Variants in ABCA9 observed in about 807,000 individuals in gnomAD.
ABCA9 encodes ATP-binding cassette sub-family A member 9.
In ABCA9, 183 loss-of-function variants were observed where a neutral mutation model predicts 205.3. That is an observed-to-expected ratio of 0.89 (90% CI 0.79 to 1.01). The LOEUF (loss-of-function observed/expected upper bound fraction) is 1.01, where lower values mean the gene tolerates loss of function less well. Among genes scored for constraint, ABCA9 ranks in the 50% least tolerant of loss-of-function variants. The pLI is 0.00. For synonymous variants in ABCA9, 651 were observed against 683.3 expected (o/e 0.95, Z 0.74); for missense variants, 1,805 against 1,912.4 (o/e 0.94, Z 1.05).
At chr17:68,981,196 A>C (rs76321556) in intron 37 of ABCA9, among the ~76,000 whole-genome samples, 3,037 of 152,286 alleles carry the variant, frequency 0.02, 59 homozygotes, top group Non-Finnish European at 0.032. Flanking sequence ...AGACAGGATA[A>C]ATAAATTCAG....
chr17:69,067,548 G>A, the ABCA9 span, among the ~76,000 whole-genome samples: 1 of 140,310 alleles, frequency 7.1e-6, no homozygotes. Context: ...AGAGTAAGCA[G>A]AGTGAGACCT....
At chr17:69,058,078 C>T (rs577443094) in intron 1 of ABCA9, among the ~76,000 whole-genome samples, 24 of 152,180 alleles carry the variant, frequency 1.6e-4, no homozygotes, top group African/African-American at 5.3e-4. Context: ...ATAAAGAAAA[C>T]GTAAGACCTA....
At chr17:69,038,406 G>T (rs762687973) in intron 6 of ABCA9, among the ~76,000 whole-genome samples, 2 of 152,136 alleles carry the variant, frequency 1.3e-5, no homozygotes, top group African/African-American at 2.4e-5. Context: ...TGCAAGGCAG[G>T]TTCAACATAT....
chr17:68,996,087 G>A (rs527252518), intron 25 of ABCA9, 73 bp from the exon 26 acceptor site: 11 of 1,487,130 alleles, frequency 7.4e-6, no homozygotes, highest in East Asian at 6.9e-5. Flanking sequence ...TAAGAGGGTG[G>A]GAATTCATTT....
intron 25 of ABCA9, among the ~76,000 whole-genome samples, chr17:69,002,016 T>C (rs1245140950): frequency 2.0e-5 from 3 of 152,168 alleles, no homozygotes; most frequent in South Asian, 4.1e-4. Context: ...CTTTTTTTCT[T>C]TATTAATCTT....
At chr17:69,033,276 C>T (rs1388786915) in intron 9 of ABCA9, 1 of 113,518 alleles carries the variant, frequency 8.8e-6, no homozygotes, top group African/African-American at 3.4e-5. Flanking sequence ...CACTGCACTC[C>T]AGCATGGGTG....
chr17:69,077,152 T>C, the ABCA9 span, among the ~76,000 whole-genome samples: 1 of 152,206 alleles, frequency 6.6e-6, no homozygotes, highest in Non-Finnish European at 1.5e-5. Context: ...TTTAGTGCTA[T>C]AAACTTCCCT....
At chr17:69,012,755 AGTTATTTTT>A (rs1346000708) in intron 22 of ABCA9, among the ~76,000 whole-genome samples, 11 of 152,166 alleles carry the variant, frequency 7.2e-5, no homozygotes, top group African/African-American at 2.7e-4. Context: ...ATACTCTTTT[AGTTATTTTT>A]AAGTATATGA....
At chr17:69,001,044 A>G (rs1222085064) in intron 25 of ABCA9, among the ~76,000 whole-genome samples, 1 of 152,116 alleles carries the variant, frequency 6.6e-6, no homozygotes, top group East Asian at 1.9e-4. Flanking sequence ...TTTTCTAGAT[A>G]TACAATCATG....
Position 69,021,871 on chromosome 17 carries a change from GA to G in ABCA9, c.2282-11del. On this transcript the variant is annotated splice_polypyrimidine_tract_variant and intron_variant, in intron 17 of 38. Coordinates refer to ENST00000340001, the MANE Select transcript of ABCA9 (RefSeq NM_080283.4). The stretch of plus-strand genomic sequence containing the variant: ...AGATCCCTGTAAAGTTCTAAAAGTG[GA>G]TACAAAAACAGATTATAAGAATATA... 7.0e-7 allele frequency: 1 copy of G among 1,420,290 alleles called. No individual in the cohort carries two copies. The allele number at this position is 1,420,290 out of a possible 1,614,324, so 88.0% of individuals were successfully genotyped here. A position where few individuals can be genotyped will look rare whatever the true frequency, so the allele number is the denominator to read the frequency against.
chr17:69,077,359 G>A, the ABCA9 span, among the ~76,000 whole-genome samples: 3 of 152,004 alleles, frequency 2.0e-5, no homozygotes, highest in South Asian at 4.1e-4. Context: ...TTCTTCTGTG[G>A]TCTGAGAGTA....
chr17:68,990,010 C>T (rs1393444062), intron 29 of ABCA9, 80 bp from the exon 30 acceptor site: 3 of 1,001,366 alleles, frequency 3.0e-6, no homozygotes, highest in Non-Finnish European at 4.5e-6. Context: ...GTCACCAAAC[C>T]TTTCCTTATA....
intron 16 of ABCA9, among the ~76,000 whole-genome samples, chr17:69,026,095 G>A (rs1380240058): frequency 6.6e-6 from 1 of 151,946 alleles, no homozygotes; most frequent in Non-Finnish European, 1.5e-5. Flanking sequence ...AGAAGAGAAA[G>A]GGTCGGAATA....
chr17:69,005,670 C>T (rs1314462700), intron 25 of ABCA9, among the ~76,000 whole-genome samples: 4 of 152,186 alleles, frequency 2.6e-5, no homozygotes, highest in East Asian at 1.9e-4. Flanking sequence ...CCCTGCTCTA[C>T]GAACAAAGAG....
chr17:69,072,882 C>T, the ABCA9 span, among the ~76,000 whole-genome samples: 1 of 152,090 alleles, frequency 6.6e-6, no homozygotes, highest in Non-Finnish European at 1.5e-5. Flanking sequence ...ACATAGGCTG[C>T]TCAAAATGAA....
intron 22 of ABCA9, among the ~76,000 whole-genome samples, chr17:69,013,598 A>G (rs1269589677): frequency 6.6e-6 from 1 of 152,148 alleles, no homozygotes; most frequent in Non-Finnish European, 1.5e-5. Context: ...GACTGGGTTC[A>G]TAAATGACAT....
intron 4 of ABCA9, 109 bp downstream of exon 4, chr17:69,045,063 A>G (rs993548771): frequency 1.2e-5 from 10 of 806,260 alleles, no homozygotes; most frequent in Admixed American, 2.9e-5. Context: ...TTAAAGCTCT[A>G]TGTTGTGGTT....
chr17:69,056,717 A>G (rs1350999322), intron 1 of ABCA9, among the ~76,000 whole-genome samples: 1 of 152,186 alleles, frequency 6.6e-6, no homozygotes, highest in Non-Finnish European at 1.5e-5. Context: ...TGGGATATTT[A>G]CAAAAGCCTA....
In ABCA9 at chr17:69,012,068, C is replaced by G. The variant is rs1299041328; in HGVS notation, c.3055G>C (p.Glu1019Gln). 1 of 1,611,716 alleles carries G rather than the reference C, an allele frequency of 6.2e-7. No homozygotes were observed. The highest frequency in any genetic ancestry group is 1.7e-5 in the Admixed American group (1 of 59,694). The stretch of plus-strand genomic sequence containing the variant: ...AAGGTGTTACTTCGGTACCCATACT[C>G]ATAATCCATATGCTCCTGAAATCAT... ...STFFEEHMDY[E>Q]YGYRSNTFFW... The change falls in exon 23 of 39, where the codon GAG becomes CAG. Residue 1019 changes from glutamate (E) to glutamine (Q), a missense_variant. By Grantham distance (29) the Glu-to-Gln change is conservative. Coordinates refer to ENST00000340001, the MANE Select transcript of ABCA9 (RefSeq NM_080283.4).
Sources: gnomAD v4.1 joint callset for allele counts (sites outside exome capture counted in the v4.1 genomes callset) on GRCh38, gnomAD v4.1.1 for gene constraint, MANE v1.5 for transcripts, NCBI Gene and HGNC (gene_info 2026-07-23, HGNC 2026-07-21) for gene names.